NOX4: variants seen among roughly 807,000 people sequenced by gnomAD.
The protein encoded by NOX4 is kidney oxidase-1.
NOX4 carries 69 observed loss-of-function variants against 87.6 expected under a neutral mutation model. The ratio of observed to expected loss-of-function variants is 0.79; its 90% CI spans 0.65 to 0.96. The LOEUF (loss-of-function observed/expected upper bound fraction) is 0.96, where lower values mean the gene tolerates loss of function less well. Among genes scored for constraint, NOX4 ranks in the 40% least tolerant of loss-of-function variants. The pLI, the probability that NOX4 is intolerant of heterozygous loss-of-function variation, is 0.00. For missense variants in NOX4, 680 were observed against 681.5 expected, an observed-to-expected ratio of 1.00 and a Z score of 0.02; for synonymous variants, 275 against 238.2, an observed-to-expected ratio of 1.15 and a Z score of -1.42.
chr11:89,519,026 C>CT, the NOX4 span, among the ~76,000 whole-genome samples: 3 of 152,020 alleles, frequency 2.0e-5, no homozygotes, highest in Non-Finnish European at 2.9e-5. Flanking sequence ...AAAGTACTTA[C>CT]TCAGTGTTCA....
At chr11:89,476,155 T>A (rs1384718039) in intron 2 of NOX4, among the ~76,000 whole-genome samples, 1 of 151,958 alleles carries the variant, frequency 6.6e-6, no homozygotes, top group Non-Finnish European at 1.5e-5. Context: ...TGTTTTCTAC[T>A]TTTTTATTTA....
intron 6 of NOX4, among the ~76,000 whole-genome samples, chr11:89,436,541 T>C (rs1272667319): frequency 6.6e-6 from 1 of 152,150 alleles, no homozygotes; most frequent in African/African-American, 2.4e-5. Flanking sequence ...GGCTTTATAT[T>C]TATGCATATT....
At chr11:89,506,755 A>G in the NOX4 span, among the ~76,000 whole-genome samples, 4 of 152,006 alleles carry the variant, frequency 2.6e-5, no homozygotes, top group East Asian at 5.8e-4. Context: ...AAATAGTCCA[A>G]TGAAAAATAC....
chr11:89,438,754 A>G (rs1944247601), intron 6 of NOX4, among the ~76,000 whole-genome samples: 1 of 51,146 alleles, frequency 2.0e-5, no homozygotes, highest in Non-Finnish European at 3.0e-5. Context: ...AATACTATAT[A>G]TAATATAATA....
At chr11:89,551,554 C>G in the NOX4 span, among the ~76,000 whole-genome samples, 20 of 152,238 alleles carry the variant, frequency 1.3e-4, no homozygotes, top group African/African-American at 3.9e-4. Flanking sequence ...ATTTTGTTCT[C>G]TTTGTAGCAA....
intron 12 of NOX4, 122 bp downstream of exon 12, chr11:89,373,310 C>T (rs1474631502): frequency 2.3e-6 from 1 of 443,180 alleles, no homozygotes; most frequent in Non-Finnish European, 4.1e-6. Context: ...AAAAAAAAAC[C>T]CAGAACAGCT....
At chr11:89,520,285 T>C in the NOX4 span, among the ~76,000 whole-genome samples, 1 of 152,224 alleles carries the variant, frequency 6.6e-6, no homozygotes, top group African/African-American at 2.4e-5. Context: ...TTTACGGAAT[T>C]TATAAGAAAT....
chr11:89,555,321 C>A, the NOX4 span, among the ~76,000 whole-genome samples: 1 of 151,846 alleles, frequency 6.6e-6, no homozygotes. Flanking sequence ...CTCATCTCCA[C>A]ACACACACAC....
chr11:89,339,925 A>G, intron 15 of NOX4, 138 bp downstream of exon 15: 2 of 480,686 alleles, frequency 4.2e-6, no homozygotes, highest in Non-Finnish European at 7.5e-6. Context: ...TGTTTAAGAG[A>G]CTTATTTCTT....
chr11:89,325,336 C>G lies in NOX4; in HGVS notation c.*1420G>C, dbSNP rs577034110. 1 of 152,016 alleles carries G rather than the reference C, an allele frequency of 6.6e-6. No homozygotes were observed. The highest frequency in any genetic ancestry group is 1.5e-5 in the Non-Finnish European group (1 of 68,028). The allele number at this position is 152,016 out of a possible 1,614,324, so 9.4% of individuals were successfully genotyped here. A position where few individuals can be genotyped will look rare whatever the true frequency, so the allele number is the denominator to read the frequency against. On this transcript the variant is annotated 3_prime_UTR_variant, in exon 18 of 18. Coordinates refer to ENST00000263317, the MANE Select transcript of NOX4 (RefSeq NM_016931.5). The stretch of plus-strand genomic sequence containing the variant: ...ATGGGGTTTCACCAACTTGGTCAGG[C>G]TGGTCTTGAACTCTGACCTCGTGAT...
chr11:89,491,021 G>T, intron 1 of NOX4, 169 bp downstream of exon 1: 1 of 761,946 alleles, frequency 1.3e-6, no homozygotes, highest in Non-Finnish European at 2.3e-6. Context: ...CGAGGGGGTG[G>T]GAGGGGGAGT....
chr11:89,388,730 C>A (rs1420144734), intron 11 of NOX4, among the ~76,000 whole-genome samples: 1 of 152,152 alleles, frequency 6.6e-6, no homozygotes, highest in East Asian at 1.9e-4. Flanking sequence ...ATGACTGTTT[C>A]TACACCAATC....
intron 11 of NOX4, among the ~76,000 whole-genome samples, chr11:89,389,451 T>C (rs1940965080): frequency 6.6e-6 from 1 of 152,168 alleles, no homozygotes; most frequent in Non-Finnish European, 1.5e-5. Flanking sequence ...TTGTAATAGC[T>C]GTATATATTA....
At chr11:89,342,036 C>T (rs1946024844) in intron 14 of NOX4, 38 bp downstream of exon 14, 7 of 1,524,658 alleles carry the variant, frequency 4.6e-6, no homozygotes, top group Non-Finnish European at 6.2e-6. Context: ...ATTGGCAGTT[C>T]TCTATTTGGA....
chr11:89,485,388 T>C (rs1946552381), intron 2 of NOX4, among the ~76,000 whole-genome samples: 1 of 152,026 alleles, frequency 6.6e-6, no homozygotes. Context: ...ATAATATATA[T>C]AACTAAGACA....
At position 89,429,541 on chromosome 11, in the gene NOX4, G is replaced by A. The variant is rs563635594; in HGVS notation, c.548+3243C>T. ...GATACAGGGGATATCAACACCGATCGCACAGAAATATAAACTACCATCAGA... is the reference window on the plus strand; with the variant it reads ...GATACAGGGGATATCAACACCGATCACACAGAAATATAAACTACCATCAGA... On this transcript the variant is annotated intron_variant, in intron 7 of 17. Coordinates refer to ENST00000263317, the MANE Select transcript of NOX4 (RefSeq NM_016931.5). Among the ~76,000 whole-genome samples the A allele has an allele frequency of 7.2e-5, 11 of 152,084 alleles. No homozygotes were observed. The East Asian group carries it at 7.7e-4, about 11-fold the overall frequency.
intron 13 of NOX4, among the ~76,000 whole-genome samples, chr11:89,345,445 C>G (rs1237483670): frequency 6.6e-6 from 1 of 152,154 alleles, no homozygotes; most frequent in Non-Finnish European, 1.5e-5. Context: ...GTATTTGGTA[C>G]AATATTCTCT....
At chr11:89,394,828 G>A (rs780055258) in intron 11 of NOX4, among the ~76,000 whole-genome samples, 2 of 152,274 alleles carry the variant, frequency 1.3e-5, no homozygotes, top group South Asian at 2.1e-4. Flanking sequence ...CAAAGGACAT[G>A]AACTCATCTG....
At chr11:89,487,707 G>A (rs530572298) in intron 2 of NOX4, among the ~76,000 whole-genome samples, 1 of 152,258 alleles carries the variant, frequency 6.6e-6, no homozygotes, top group South Asian at 2.1e-4. Context: ...GTTCTAAGAT[G>A]CATCACTCTA....
Sources: gnomAD v4.1 joint callset for allele counts (sites outside exome capture counted in the v4.1 genomes callset) on GRCh38, gnomAD v4.1.1 for gene constraint, MANE v1.5 for transcripts, NCBI Gene and HGNC (gene_info 2026-07-23, HGNC 2026-07-21) for gene names.